STK3: variants seen among roughly 807,000 people sequenced by gnomAD.
STK3 encodes the protein serine/threonine-protein kinase 3.
In STK3, 41 loss-of-function variants were observed where a neutral mutation model predicts 58.0. The observed-to-expected ratio is 0.71, with a 90% CI of 0.55 to 0.92. STK3 has a LOEUF of 0.92. Ranked by LOEUF, STK3 falls within the 40% of genes least tolerant of loss-of-function variation. The pLI, the probability that STK3 is intolerant of heterozygous loss-of-function variation, is 0.00. For synonymous variants in STK3, 170 were observed against 191.0 expected (o/e 0.89, Z 0.91); for missense variants, 479 against 602.7 (o/e 0.79, Z 2.15).
chr8:98,359,673 A>T, the STK3 span, among the ~76,000 whole-genome samples: 1 of 152,160 alleles, frequency 6.6e-6, no homozygotes, highest in African/African-American at 2.4e-5. Flanking sequence ...TCTCCCATTC[A>T]GCCTCCATAG....
At chr8:98,357,061 G>C in the STK3 span, among the ~76,000 whole-genome samples, 3 of 152,308 alleles carry the variant, frequency 2.0e-5, no homozygotes, top group African/African-American at 7.2e-5. Context: ...TCTGCCCTCT[G>C]AATTGAAGAA....
intron 3 of STK3, among the ~76,000 whole-genome samples, chr8:98,849,893 A>G (rs575727366): frequency 6.6e-6 from 1 of 152,272 alleles, no homozygotes; most frequent in East Asian, 1.9e-4. Flanking sequence ...AATGATTGCT[A>G]TACACACTAG....
chr8:98,506,348 T>G (rs1240457466), intron 10 of STK3, among the ~76,000 whole-genome samples: 1 of 152,208 alleles, frequency 6.6e-6, no homozygotes. Context: ...TGACCCCTTG[T>G]GCTTCCTGGG....
intron 6 of STK3, among the ~76,000 whole-genome samples, chr8:98,659,275 G>C (rs1821789924): frequency 6.6e-6 from 1 of 151,836 alleles, no homozygotes; most frequent in Admixed American, 6.6e-5. Flanking sequence ...CAGAAGATTG[G>C]TGTCAAAAAG....
chr8:98,420,816 T>C lies in STK3; in HGVS notation n.483+13311A>G, dbSNP rs908429882. On this transcript the variant is annotated intron_variant and non_coding_transcript_variant, in intron 3 of 3. Coordinates refer to the STK3 transcript ENST00000517832. ...AGCACTCAGCAATTGGCACTCGTCA[T>C]GGCTAACATTTTCAGCACTTGCTAT... Among the ~76,000 whole-genome samples, 8 of 152,252 alleles carry C rather than the reference T, an allele frequency of 5.3e-5. No homozygotes were observed. In the South Asian group the frequency reaches 6.2e-4, roughly 12 times the overall value.
rs1034418471 is a variant in STK3, at chr8:98,455,400, TC to T, written c.*441del. On this transcript the variant is annotated 3_prime_UTR_variant, in exon 11 of 11. Coordinates refer to ENST00000419617, the MANE Select transcript of STK3 (RefSeq NM_006281.4). The stretch of plus-strand genomic sequence containing the variant: ...CTTCACCAAAGCTATCCTGATCTTG[TC>T]CTTAAAAAATGAAACAAAGCAAAAT... 1 of 155,586 alleles carries T rather than the reference TC, an allele frequency of 6.4e-6. No individual in the cohort carries two copies. The highest frequency in any genetic ancestry group is 1.4e-5 in the Non-Finnish European group (1 of 70,606). The allele number at this position is 155,586 out of a possible 1,614,324, so 9.6% of individuals were successfully genotyped here. A position where few individuals can be genotyped will look rare whatever the true frequency, so the allele number is the denominator to read the frequency against.
At chr8:98,700,070 C>T (rs192283786) in intron 6 of STK3, among the ~76,000 whole-genome samples, 8 of 152,326 alleles carry the variant, frequency 5.3e-5, no homozygotes, top group Non-Finnish European at 1.0e-4. Context: ...TGGGTAATGG[C>T]GGGCGCCCCT....
chr8:98,396,010 C>T (rs1817894366), intron 3 of STK3, among the ~76,000 whole-genome samples: 1 of 152,214 alleles, frequency 6.6e-6, no homozygotes, highest in South Asian at 2.1e-4. Context: ...AACTGCCTTT[C>T]AGCTTCAGTG....
intron 10 of STK3, among the ~76,000 whole-genome samples, chr8:98,458,133 ACAT>A (rs1450836869): frequency 6.6e-6 from 1 of 151,902 alleles, no homozygotes; most frequent in African/African-American, 2.4e-5. Flanking sequence ...ACACACACAC[ACAT>A]GTGCACACAC....
chr8:98,942,351 A>C (rs1039788581), intron 1 of STK3: 3 of 152,260 alleles, frequency 2.0e-5, no homozygotes, highest in Non-Finnish European at 2.9e-5. Flanking sequence ...CATCCCCCAA[A>C]GCTGGAGCTC....
At chr8:98,433,063 G>GTT (rs201567702) in intron 3 of STK3, among the ~76,000 whole-genome samples, 3 of 151,864 alleles carry the variant, frequency 2.0e-5, no homozygotes, top group Middle Eastern at 3.4e-3. Context: ...AAGCCTGGGT[G>GTT]TTTTTTTTGT....
At position 98,800,863 on chromosome 8, in the gene STK3, G is replaced by GC. The variant is rs957101614; in HGVS notation, c.26+24651dup. On this transcript the variant is annotated intron_variant, in intron 1 of 10. Coordinates refer to ENST00000419617, the MANE Select transcript of STK3 (RefSeq NM_006281.4). This position sits in a 1 kb window ranked among gnomAD's most constrained non-coding sequence, Gnocchi z 4.8. ...AGGACCTGCAGCCCCCCATGCCAGA[G>GC]CCCCCCCCACCAAGGTGGGCTCCCG... is the stretch of plus-strand genomic sequence containing the variant. 1.7e-4 allele frequency among the ~76,000 whole-genome samples: 26 copies of GC among 151,886 alleles called. No individual in the cohort carries two copies. The highest frequency in any genetic ancestry group is 2.9e-4 in the African/African-American group (12 of 41,352).
intron 3 of STK3, among the ~76,000 whole-genome samples, chr8:98,765,333 T>G (rs1305389949): frequency 6.6e-6 from 1 of 152,164 alleles, no homozygotes; most frequent in Non-Finnish European, 1.5e-5. Flanking sequence ...AATTTAAATA[T>G]ACAGCATATT....
intron 9 of STK3, among the ~76,000 whole-genome samples, chr8:98,536,458 T>C (rs2131533111): frequency 6.6e-6 from 1 of 152,090 alleles, no homozygotes; most frequent in East Asian, 1.9e-4. Flanking sequence ...GAGACCCTTC[T>C]CTTAAAAAAA....
At chr8:98,403,781 C>T (rs377272223) in intron 3 of STK3, among the ~76,000 whole-genome samples, 13 of 152,326 alleles carry the variant, frequency 8.5e-5, no homozygotes, top group South Asian at 8.3e-4. Context: ...CAACCAAGGA[C>T]GTGTCTTCAT....
chr8:98,785,358 G>T (rs1012436902), intron 1 of STK3, among the ~76,000 whole-genome samples: 4 of 152,140 alleles, frequency 2.6e-5, no homozygotes, highest in Non-Finnish European at 5.9e-5. Flanking sequence ...TACTCTTCAG[G>T]ATTAGGAGTT....
chr8:98,865,098 G>A (rs1406207934), intron 3 of STK3, among the ~76,000 whole-genome samples: 1 of 152,110 alleles, frequency 6.6e-6, no homozygotes, highest in Admixed American at 6.6e-5. Context: ...ATTTATTACT[G>A]TAGAAGAAGA....
intron 10 of STK3, among the ~76,000 whole-genome samples, chr8:98,525,880 TA>T (rs1166655245): frequency 6.6e-6 from 1 of 151,906 alleles, no homozygotes; most frequent in Non-Finnish European, 1.5e-5. Context: ...TAAAAATTCT[TA>T]AATTTAAAAA....
intron 1 of STK3, among the ~76,000 whole-genome samples, chr8:98,924,849 C>T (rs1330112922): frequency 6.6e-6 from 1 of 152,176 alleles, no homozygotes; most frequent in South Asian, 2.1e-4. Flanking sequence ...ATGAACCTCT[C>T]TTTCTCTTCC....
Sources: gnomAD v4.1 joint callset for allele counts (sites outside exome capture counted in the v4.1 genomes callset) on GRCh38, gnomAD v4.1.1 for gene constraint, Gnocchi (gnomAD v3.1) non-coding constraint, MANE v1.5 for transcripts, NCBI Gene and HGNC (gene_info 2026-07-23, HGNC 2026-07-21) for gene names.